The following LGALS9B variants were observed in gnomAD, a reference collection of about 807,000 sequenced individuals.
LGALS9B encodes galectin-9B.
LGALS9B carries 8 observed loss-of-function variants against 35.9 expected under a neutral mutation model. That is an observed-to-expected ratio of 0.22 (90% confidence interval 0.13 to 0.40). The LOEUF (loss-of-function observed/expected upper bound fraction) is 0.40, where lower values mean the gene tolerates loss of function less well. Ranked by LOEUF, LGALS9B falls within the 10% of genes least tolerant of loss-of-function variation. LGALS9B has a pLI of 1.00. For synonymous variants in LGALS9B, 42 were observed against 148.6 expected (o/e 0.28, Z 5.22); for missense variants, 101 against 397.9 (o/e 0.25, Z 6.35).
intron 10 of LGALS9B, among the ~76,000 whole-genome samples, chr17:20,451,146 G>A (rs1259280626): frequency 4.0e-5 from 6 of 151,178 alleles, no homozygotes; most frequent in African/African-American, 1.2e-4. Flanking sequence ...TGCACAAAGC[G>A]GGCGACAGTG....
At chr17:20,466,067 A>G (rs991718443) in intron 1 of LGALS9B, among the ~76,000 whole-genome samples, 2 of 152,016 alleles carry the variant, frequency 1.3e-5, no homozygotes, top group African/African-American at 4.8e-5. Flanking sequence ...ATAATATGTC[A>G]GAACCTGGAA....
Position 20,458,936 on chromosome 17 carries a change from T to TA in LGALS9B, c.132-553dup, listed in dbSNP as rs2042708717. Among the ~76,000 whole-genome samples the TA allele has an allele frequency of 2.8e-5, 4 of 140,458 alleles. No homozygotes were observed. In the South Asian group the frequency reaches 9.1e-4, roughly 32 times the overall value. The allele number at this position is 140,458 out of a possible 152,430, so 92.1% of individuals were successfully genotyped here. ...AACAGAGCGAGATCTCATCTCTACTTAAAAAACAAAAAGATATATATATAT... is the reference window on the plus strand; with the variant it reads ...AACAGAGCGAGATCTCATCTCTACTTAAAAAAACAAAAAGATATATATATAT... On this transcript the variant is annotated intron_variant, in intron 2 of 10. Coordinates refer to ENST00000423676, the MANE Select transcript of LGALS9B (RefSeq NM_001367292.2).
chr17:20,452,945 C>T, intron 7 of LGALS9B, 72 bp downstream of exon 7: 1 of 1,209,170 alleles, frequency 8.3e-7, no homozygotes, highest in Non-Finnish European at 1.2e-6. Context: ...AACTCTAGGG[C>T]TCTAGGGAGT....
intron 5 of LGALS9B, among the ~76,000 whole-genome samples, chr17:20,454,608 T>C (rs1008433584): frequency 1.5e-5 from 2 of 136,762 alleles, no homozygotes; most frequent in East Asian, 4.4e-4. Flanking sequence ...GGCACAGATA[T>C]GTACAGACTC....
At chr17:20,452,145 C>T (rs2042654290) in intron 8 of LGALS9B, 3 of 296,808 alleles carry the variant, frequency 1.0e-5, no homozygotes, top group South Asian at 7.7e-5. Context: ...ATGCAATGTG[C>T]TCACGTTGAC....
At position 20,449,941 on chromosome 17, in the gene LGALS9B, C is replaced by G. The variant is rs186708811; in HGVS notation, c.*32G>C. On this transcript the variant is annotated 3_prime_UTR_variant, in exon 11 of 11. Coordinates refer to ENST00000423676, the MANE Select transcript of LGALS9B (RefSeq NM_001367292.2). ...TGAGAGGACCCCGACTGCCCCACAC[C>G]CCAGCCCCCGGCCCCAGGGCCAGGG... is the stretch of plus-strand genomic sequence containing the variant. 3,407 of 1,131,402 alleles carry G rather than the reference C, an allele frequency of 3.0e-3. 442 individuals are homozygous for G. In the African/African-American group the frequency reaches 0.049, roughly 16 times the overall value. 70.1% of individuals were successfully genotyped at this position (1,131,402 alleles called of 1,614,324 possible).
chr17:20,461,184 C>T (rs1000809862), intron 1 of LGALS9B, among the ~76,000 whole-genome samples: 3 of 151,454 alleles, frequency 2.0e-5, no homozygotes, highest in Admixed American at 6.6e-5. Context: ...AGGCATGCAT[C>T]GTTTTGGAGT....
At chr17:20,456,469 C>T in intron 4 of LGALS9B, 92 bp downstream of exon 4, 1 of 635,016 alleles carries the variant, frequency 1.6e-6, no homozygotes, top group Non-Finnish European at 2.1e-6. Context: ...GAGGTTGTCC[C>T]CAGAGTGACC....
At chr17:20,460,914 C>T (rs116890526) in intron 1 of LGALS9B, among the ~76,000 whole-genome samples, 5,505 of 142,910 alleles carry the variant, frequency 0.039, no homozygotes, top group South Asian at 0.11. Context: ...CAAAGGGACC[C>T]ATCAAGGGTC....
chr17:20,462,438 T>C (rs2042734530), intron 1 of LGALS9B, among the ~76,000 whole-genome samples: 1 of 50,462 alleles, frequency 2.0e-5, no homozygotes, highest in African/African-American at 6.9e-5. Flanking sequence ...ACTAGCCAAA[T>C]TCAGCCTACT....
rs372786406 is a variant in LGALS9B at position 20,458,268 on chromosome 17, C to T, written c.248G>A (p.Gly83Glu). The change falls in exon 3 of 11, where the codon GGG (glycine) becomes GAG (glutamate). Residue 83 changes from glycine (G) to glutamate (E), a missense_variant. Gly to Glu is a moderately conservative substitution (Grantham distance 98, BLOSUM62 -2). Transcript: ENST00000423676. ...VCNTRQKGRW[G>E]PEERKMHMPF... ...CATGTGCATCTTCCTCTCCTCGGGC[C>T]CCCATCTTCCTTTCTGCCTCGTGTT... 1.8e-5 allele frequency: 29 copies of T among 1,613,866 alleles called. No homozygotes were observed. The highest frequency in any genetic ancestry group is 2.4e-5 in the Non-Finnish European group (28 of 1,179,960).
rs562872241 is a variant in LGALS9B at position 20,464,542 on chromosome 17, C to T, written c.39+2890G>A. Reference sequence around the variant, plus strand: ...AACCTTGCTCACACGATGATTTTAACATCTGCCCTCCAGAATCATTAAGAA... The same window carrying T: ...AACCTTGCTCACACGATGATTTTAATATCTGCCCTCCAGAATCATTAAGAA... On this transcript the variant is annotated intron_variant, in intron 1 of 10. Coordinates refer to ENST00000423676, the MANE Select transcript of LGALS9B (RefSeq NM_001367292.2). Among the ~76,000 whole-genome samples, 8 of 152,258 alleles carry T rather than the reference C, an allele frequency of 5.3e-5. No individual in the cohort carries two copies. In the South Asian group the frequency reaches 1.7e-3, roughly 32 times the overall value.
At position 20,460,347 on chromosome 17, in the gene LGALS9B, C is replaced by T. The variant is rs2042717772; in HGVS notation, c.131+5G>A. On this transcript the variant is annotated splice_donor_5th_base_variant and intron_variant, in intron 2 of 10. Coordinates refer to ENST00000423676, the MANE Select transcript of LGALS9B (RefSeq NM_001367292.2). ...AGTGAAACGTTTCCATCCATATACACACACCTGGTTCCACTGGAGCTGAGA... is the reference window on the plus strand; with the variant it reads ...AGTGAAACGTTTCCATCCATATACATACACCTGGTTCCACTGGAGCTGAGA... 10 of 1,603,204 alleles carry T rather than the reference C, an allele frequency of 6.2e-6. 1 individual carries two copies. The highest frequency in any genetic ancestry group is 8.5e-6 in the Non-Finnish European group (10 of 1,171,832).
chr17:20,460,838 AC>A (rs1405044230), intron 1 of LGALS9B, among the ~76,000 whole-genome samples: 3 of 139,530 alleles, frequency 2.2e-5, no homozygotes, highest in African/African-American at 7.8e-5. Context: ...GGGCTGCTGG[AC>A]CCCATGCCAA....
intron 4 of LGALS9B, among the ~76,000 whole-genome samples, chr17:20,456,043 T>G (rs2042688154): frequency 1.3e-5 from 2 of 148,296 alleles, no homozygotes; most frequent in South Asian, 4.4e-4. Context: ...TTCAAAGTTT[T>G]TAAAACACAG....
At chr17:20,461,464 C>T (rs531425769) in intron 1 of LGALS9B, among the ~76,000 whole-genome samples, 322 of 151,918 alleles carry the variant, frequency 2.1e-3, no homozygotes, top group Non-Finnish European at 3.6e-3. Flanking sequence ...AAGTTTATTC[C>T]GAAATGCCTC....
At chr17:20,466,143 G>A (rs568448773) in intron 1 of LGALS9B, among the ~76,000 whole-genome samples, 5 of 152,124 alleles carry the variant, frequency 3.3e-5, no homozygotes, top group Admixed American at 6.5e-5. Context: ...GGTGGCATAC[G>A]CTGACTCTAA....
chr17:20,455,520 T>C, intron 4 of LGALS9B, 122 bp from the exon 5 acceptor site: 1 of 1,053,582 alleles, frequency 9.5e-7, no homozygotes, highest in South Asian at 1.4e-5. Flanking sequence ...AGCAAGGGGG[T>C]TAGGGCCACA....
At chr17:20,454,527 A>G (rs535825131) in intron 5 of LGALS9B, among the ~76,000 whole-genome samples, 52 of 151,404 alleles carry the variant, frequency 3.4e-4, no homozygotes, top group Non-Finnish European at 5.0e-4. Context: ...CCTCATGGGC[A>G]TAGGGAGATG....
Sources: gnomAD v4.1 joint callset for allele counts (sites outside exome capture counted in the v4.1 genomes callset) on GRCh38, gnomAD v4.1.1 for gene constraint, MANE v1.5 for transcripts, NCBI Gene and HGNC (gene_info 2026-07-23, HGNC 2026-07-21) for gene names.